Variants in PDZRN4 observed in about 807,000 individuals in gnomAD.
PDZRN4 encodes PDZ domain containing ring finger 4, also known as PDZ domain-containing RING finger protein 4.
Under a neutral mutation model 99.0 loss-of-function variants are expected in PDZRN4, and 70 were observed. The ratio of observed to expected loss-of-function variants is 0.71; its 90% confidence interval spans 0.58 to 0.86. The LOEUF is 0.86. Ranked by LOEUF, PDZRN4 falls within the 40% of genes least tolerant of loss-of-function variation. The probability of loss-of-function intolerance (pLI) is 0.00; values close to 1 mark genes in which losing one functional copy is unlikely to be tolerated. For synonymous variants in PDZRN4, 551 were observed against 501.6 expected, an observed-to-expected ratio of 1.10 and a Z score of -1.32; for missense variants, 1,474 against 1,331.2, an observed-to-expected ratio of 1.11 and a Z score of -1.67.
chr12:41,196,420 T>A (rs1950773356), intron 3 of PDZRN4, among the ~76,000 whole-genome samples: 1 of 152,120 alleles, frequency 6.6e-6, no homozygotes, highest in African/African-American at 2.4e-5. Context: ...TGGATCAATG[T>A]GACCACATTT....
Position 41,483,538 on chromosome 12 carries a change from A to G in PDZRN4, c.844-22918A>G, listed in dbSNP as rs111847804. ...GAGCAATGTGTAGAATTGATGTAAG[A>G]AACGCTATTCCTTTGTAAAAGCATC... On this transcript the variant is annotated intron_variant, in intron 3 of 9. Transcript: ENST00000402685. 6.5e-3 allele frequency among the ~76,000 whole-genome samples: 993 copies of G among 152,250 alleles called. 12 individuals carry two copies. The highest frequency in any genetic ancestry group is 0.022 in the African/African-American group (929 of 41,562).
rs780980100 is a variant in PDZRN4 at position 41,563,637 on chromosome 12, G to T, written c.1455G>T (p.Arg485Ser). The change falls in exon 8 of 10, where the codon AGG becomes AGT. Residue 485 changes from arginine (R) to serine (S), a missense_variant. Arg to Ser is a moderately radical substitution (Grantham distance 110). Transcript: ENST00000402685. ...AGAGAATCGTGCTGCTTGTTGCAAG[G>T]CCAGAGATTCAGGTCAGAACAGAGA... Reference protein sequence around the residue: ...ECKRIVLLVARPEIQLDEGWL... With the variant: ...ECKRIVLLVASPEIQLDEGWL... 8 of 1,611,870 alleles carry T rather than the reference G, an allele frequency of 5.0e-6. No individual in the cohort carries two copies. Among genetic ancestry groups the T allele is most frequent in the Non-Finnish European group, 6.8e-6 (8 of 1,178,362 alleles).
chr12:41,354,608 C>A (rs1487370881), intron 3 of PDZRN4, among the ~76,000 whole-genome samples: 1 of 152,056 alleles, frequency 6.6e-6, no homozygotes, highest in African/African-American at 2.4e-5. Context: ...ATTGCCAGAA[C>A]TCTTGGCAGC....
intron 4 of PDZRN4, among the ~76,000 whole-genome samples, chr12:41,507,539 G>C (rs1306598074): frequency 6.6e-6 from 1 of 152,082 alleles, no homozygotes; most frequent in Non-Finnish European, 1.5e-5. Context: ...CCTGCCCTTT[G>C]ATGGCTGGCT....
At chr12:41,546,181 A>T (rs909586483) in intron 5 of PDZRN4, among the ~76,000 whole-genome samples, 1 of 152,192 alleles carries the variant, frequency 6.6e-6, no homozygotes, top group Non-Finnish European at 1.5e-5. Flanking sequence ...CTCTGGGACC[A>T]TGTCACTGCT....
At position 41,446,654 on chromosome 12, in the gene PDZRN4, A is replaced by G. The variant is rs114290112; in HGVS notation, c.844-59802A>G. The stretch of plus-strand genomic sequence containing the variant: ...GTAACACAGGACACAAAAGAAGCAT[A>G]AGGAAAAAAAGAAGCCAGTCTTCCA... On this transcript the variant is annotated intron_variant, in intron 3 of 9. Transcript: ENST00000402685. 2.5e-3 allele frequency among the ~76,000 whole-genome samples: 376 copies of G among 152,146 alleles called. 2 individuals are homozygous for G. The highest frequency in any genetic ancestry group is 8.5e-3 in the African/African-American group (351 of 41,532).
chr12:41,443,756 A>C (rs1952700922), intron 3 of PDZRN4, among the ~76,000 whole-genome samples: 2 of 152,160 alleles, frequency 1.3e-5, no homozygotes, highest in Admixed American at 6.6e-5. Context: ...GATGTCATGA[A>C]GTTTACAGAG....
At chr12:41,516,694 T>G (rs1006169127) in intron 5 of PDZRN4, among the ~76,000 whole-genome samples, 16 of 151,942 alleles carry the variant, frequency 1.1e-4, no homozygotes, top group Admixed American at 8.5e-4. Context: ...ATGACGGGGG[T>G]TCTGGTCTGT....
chr12:41,568,467 T>C (rs1939418373), intron 9 of PDZRN4, among the ~76,000 whole-genome samples: 1 of 152,178 alleles, frequency 6.6e-6, no homozygotes, highest in African/African-American at 2.4e-5. Flanking sequence ...ACATTTCTCA[T>C]AGCATAGTTT....
At chr12:41,230,503 G>A (rs1225968337) in intron 3 of PDZRN4, among the ~76,000 whole-genome samples, 1 of 152,030 alleles carries the variant, frequency 6.6e-6, no homozygotes, top group Non-Finnish European at 1.5e-5. Flanking sequence ...TGCTTTGCTG[G>A]ATTATCTTTA....
At chr12:41,433,904 C>T (rs990771087) in intron 3 of PDZRN4, among the ~76,000 whole-genome samples, 2 of 152,092 alleles carry the variant, frequency 1.3e-5, no homozygotes, top group Non-Finnish European at 2.9e-5. Context: ...ACACCAATAA[C>T]AAATGTCAGT....
intron 3 of PDZRN4, among the ~76,000 whole-genome samples, chr12:41,497,730 A>C (rs1236146665): frequency 1.3e-5 from 2 of 152,164 alleles, no homozygotes; most frequent in Non-Finnish European, 2.9e-5. Flanking sequence ...TATTATGACA[A>C]AGATAAAGTT....
intron 3 of PDZRN4, among the ~76,000 whole-genome samples, chr12:41,439,008 T>A (rs1397652660): frequency 6.6e-6 from 1 of 152,146 alleles, no homozygotes; most frequent in African/African-American, 2.4e-5. Flanking sequence ...TCCCTCAGAT[T>A]TCCCCCTGAC....
Position 41,565,418 on chromosome 12 carries a change from G to T in PDZRN4, c.1467+1769G>T, listed in dbSNP as rs544235618. Reference sequence around the variant, plus strand: ...ATACTTTTAAAATGTAATTTAATCAGTACATGCTATAAAGTGGCAAAAAAA... The same window carrying T: ...ATACTTTTAAAATGTAATTTAATCATTACATGCTATAAAGTGGCAAAAAAA... On this transcript the variant is annotated intron_variant, in intron 8 of 9. Transcript: ENST00000402685. 2.6e-4 allele frequency among the ~76,000 whole-genome samples: 38 copies of T among 147,726 alleles called. No homozygotes were observed. In the South Asian group the frequency reaches 4.5e-3, roughly 18 times the overall value.
At chr12:41,411,967 G>C (rs1343920604) in intron 3 of PDZRN4, 2 of 152,146 alleles carry the variant, frequency 1.3e-5, no homozygotes, top group Non-Finnish European at 2.9e-5. Flanking sequence ...GTCTACTCCG[G>C]TGTCTGCTAT....
At chr12:41,497,976 GA>G (rs1244915916) in intron 3 of PDZRN4, among the ~76,000 whole-genome samples, 2 of 151,660 alleles carry the variant, frequency 1.3e-5, no homozygotes, top group Non-Finnish European at 2.9e-5. Flanking sequence ...ACAATATTAT[GA>G]AACTTTTTTT....
chr12:41,309,014 T>C (rs1951588715), intron 3 of PDZRN4, among the ~76,000 whole-genome samples: 1 of 152,084 alleles, frequency 6.6e-6, no homozygotes, highest in South Asian at 2.1e-4. Flanking sequence ...ATAAAATAAC[T>C]TCCAGAAGGA....
intron 3 of PDZRN4, among the ~76,000 whole-genome samples, chr12:41,373,670 G>T (rs1432535916): frequency 1.3e-5 from 2 of 151,914 alleles, no homozygotes; most frequent in Admixed American, 6.6e-5. Flanking sequence ...AACAATTTGT[G>T]CAGTTAATGC....
chr12:41,509,899 G>T lies in PDZRN4; in HGVS notation c.1189G>T (p.Asp397Tyr), dbSNP rs756475921. The T allele has an allele frequency of 1.4e-5, 22 of 1,557,744 alleles. 1 individual carries two copies. The African/African-American group carries it at 3.0e-4, about 21-fold the overall frequency. Residue 397 changes from aspartate (D) to tyrosine (Y), a missense_variant, in exon 5 of 10, where the codon GAC becomes TAC. Coordinates refer to ENST00000402685, the MANE Select transcript of PDZRN4 (RefSeq NM_001164595.2). Reference sequence around the variant, plus strand: ...GCCTGCTGATGCAGACAGAACAGAAGACTTTGAATATGAGGTAAGGTCATT... The same window carrying T: ...GCCTGCTGATGCAGACAGAACAGAATACTTTGAATATGAGGTAAGGTCATT... ...SLPADADRTEDFEYEEVELCR... is the reference protein window; with the variant it reads ...SLPADADRTEYFEYEEVELCR...
Sources: allele counts gnomAD v4.1 joint callset (sites outside exome capture counted in the v4.1 genomes callset), GRCh38; gene constraint gnomAD v4.1.1; transcripts MANE v1.5; gene names NCBI Gene and HGNC (gene_info 2026-07-23, HGNC 2026-07-21).